TCERG1L: variants seen among roughly 807,000 people sequenced by gnomAD.
The protein encoded by TCERG1L is transcription elongation regulator 1 like.
Under a neutral mutation model 56.3 loss-of-function variants are expected in TCERG1L, and 37 were observed. The observed-to-expected ratio is 0.66, with a 90% CI of 0.51 to 0.87. The LOEUF is 0.87. Among genes scored for constraint, TCERG1L ranks in the 40% least tolerant of loss-of-function variants. The pLI is 0.00. For synonymous variants in TCERG1L, 324 were observed against 326.3 expected (o/e 0.99, Z 0.08); for missense variants, 799 against 774.2 (o/e 1.03, Z -0.38).
At chr10:131,248,151 G>A (rs560731263) in intron 4 of TCERG1L, among the ~76,000 whole-genome samples, 6 of 148,518 alleles carry the variant, frequency 4.0e-5, no homozygotes, top group South Asian at 4.3e-4. Flanking sequence ...ACACACATAC[G>A]CTGGTAAACA....
At chr10:131,244,404 GCAGCCCT>G (rs1564824190) in intron 4 of TCERG1L, among the ~76,000 whole-genome samples, 10 of 152,194 alleles carry the variant, frequency 6.6e-5, no homozygotes, top group African/African-American at 2.4e-4. Flanking sequence ...TTCAGAACAG[GCAGCCCT>G]GGGAGAGTGG....
chr10:131,094,265 C>CG (rs1331602020), intron 11 of TCERG1L, among the ~76,000 whole-genome samples: 9 of 152,220 alleles, frequency 5.9e-5, no homozygotes, highest in African/African-American at 2.2e-4. Context: ...CAGCGACAGT[C>CG]GGGCAGGGCC....
intron 7 of TCERG1L, among the ~76,000 whole-genome samples, chr10:131,142,315 C>T (rs773057313): frequency 4.6e-5 from 7 of 152,188 alleles, no homozygotes; most frequent in South Asian, 2.1e-4. Flanking sequence ...GTGTTTTCAG[C>T]GGCCCTGGGT....
intron 4 of TCERG1L, among the ~76,000 whole-genome samples, chr10:131,178,195 C>T (rs550608630): frequency 1.8e-4 from 27 of 152,202 alleles, no homozygotes; most frequent in Middle Eastern, 3.4e-3. Flanking sequence ...CCGGGGAGGT[C>T]GCCAGCTTTG....
chr10:131,136,451 C>T (rs1845676140), intron 7 of TCERG1L, among the ~76,000 whole-genome samples: 1 of 152,102 alleles, frequency 6.6e-6, no homozygotes, highest in South Asian at 2.1e-4. Flanking sequence ...GGGCCACCTC[C>T]GTGGCTGCTG....
chr10:131,211,947 G>A (rs1845624917), intron 4 of TCERG1L, among the ~76,000 whole-genome samples: 1 of 152,202 alleles, frequency 6.6e-6, no homozygotes, highest in Admixed American at 6.5e-5. Context: ...CTGTTACTGA[G>A]TAGACACATG....
chr10:131,142,540 A>C (rs1845749507), intron 7 of TCERG1L, among the ~76,000 whole-genome samples: 1 of 152,232 alleles, frequency 6.6e-6, no homozygotes. Context: ...AATTAAGCCC[A>C]GTGAGGTTCA....
chr10:131,300,600 C>T (rs1005492044), intron 3 of TCERG1L, among the ~76,000 whole-genome samples: 2 of 152,136 alleles, frequency 1.3e-5, no homozygotes, highest in Non-Finnish European at 2.9e-5. Flanking sequence ...AATTCTCCTT[C>T]TGTTCATTCA....
At chr10:131,239,351 G>A (rs1219640425) in intron 4 of TCERG1L, among the ~76,000 whole-genome samples, 3 of 152,172 alleles carry the variant, frequency 2.0e-5, no homozygotes, top group Non-Finnish European at 4.4e-5. Flanking sequence ...GCGATGCCAC[G>A]AATAAGAATG....
At chr10:131,175,611 G>C (rs529614384) in intron 4 of TCERG1L, among the ~76,000 whole-genome samples, 2 of 152,202 alleles carry the variant, frequency 1.3e-5, no homozygotes, top group African/African-American at 4.8e-5. Flanking sequence ...TGAGTCCCAC[G>C]CAATTCACAA....
chr10:131,111,822 A>G (rs1845416128), intron 9 of TCERG1L, among the ~76,000 whole-genome samples: 1 of 143,434 alleles, frequency 7.0e-6, no homozygotes, highest in Non-Finnish European at 1.6e-5. Context: ...GAAGACAGAT[A>G]GACAAGCCAG....
chr10:131,190,076 C>A (rs763057196), intron 4 of TCERG1L, among the ~76,000 whole-genome samples: 5 of 152,010 alleles, frequency 3.3e-5, no homozygotes, highest in Admixed American at 2.0e-4. Context: ...GTTTAATTAA[C>A]AATGAAGCCG....
intron 4 of TCERG1L, among the ~76,000 whole-genome samples, chr10:131,239,035 G>C (rs901393036): frequency 1.3e-5 from 2 of 152,170 alleles, no homozygotes; most frequent in Admixed American, 6.5e-5. Context: ...TAGCACGTGT[G>C]CATTTTCATC....
At chr10:131,174,361 T>C (rs1202420575) in intron 4 of TCERG1L, among the ~76,000 whole-genome samples, 1 of 152,134 alleles carries the variant, frequency 6.6e-6, no homozygotes, top group Non-Finnish European at 1.5e-5. Context: ...GGAGCCTCCT[T>C]GAAGCTGGCG....
In TCERG1L at chr10:131,311,378, C is replaced by T. The variant is rs530176388; in HGVS notation, c.258G>A (p.Pro86=). 28 of 1,192,918 alleles carry T rather than the reference C, an allele frequency of 2.3e-5. No homozygotes were observed. In the African/African-American group the frequency reaches 4.0e-4, roughly 17 times the overall value. The allele number at this position is 1,192,918 out of a possible 1,614,324, so 73.9% of individuals were successfully genotyped here. ...GLPGWPAPSE[P]VLPLLPLPSA... ...AGGGCAGCGGCAGCAGCGGGAGCACCGGCTCGCTCGGGGCCGGCCAGCCGG... is the reference window on the plus strand; with the variant it reads ...AGGGCAGCGGCAGCAGCGGGAGCACTGGCTCGCTCGGGGCCGGCCAGCCGG... Residue 86 remains proline, a synonymous_variant, in exon 1 of 12, where the codon CCG becomes CCA. Transcript: ENST00000368642. The surrounding 1 kb of genome is among the most constrained non-coding windows in gnomAD (Gnocchi z 4.0).
intron 3 of TCERG1L, among the ~76,000 whole-genome samples, chr10:131,306,326 T>G (rs1345925581): frequency 6.6e-6 from 1 of 152,126 alleles, no homozygotes; most frequent in Admixed American, 6.5e-5. Context: ...ACAAATACAT[T>G]TGATTATTAT....
chr10:131,139,676 ATGTGTGTGTGTGTCTGTGTGTG>A (rs1249283071), intron 7 of TCERG1L, among the ~76,000 whole-genome samples: 9 of 133,964 alleles, frequency 6.7e-5, no homozygotes, highest in East Asian at 4.9e-4. Context: ...GGCTATGCAT[ATGTGTGTGTGTGTCTGTGTGTG>A]TGTGTGTGTG....
chr10:131,311,528 C>A lies in TCERG1L; in HGVS notation c.108G>T (p.Pro36=). The A allele has an allele frequency of 8.5e-7, 1 of 1,171,794 alleles. No individual in the cohort carries two copies. The allele number at this position is 1,171,794 out of a possible 1,614,324, so 72.6% of individuals were successfully genotyped here. A position where few individuals can be genotyped will look rare whatever the true frequency, so the allele number is the denominator to read the frequency against. The change falls in exon 1 of 12, where the codon CCG becomes CCT. Residue 36 remains proline, a synonymous_variant. Coordinates refer to ENST00000368642, the MANE Select transcript of TCERG1L (RefSeq NM_174937.4). This position sits in a 1 kb window ranked among gnomAD's most constrained non-coding sequence, Gnocchi z 4.0. ...LWPMDAEPPP[P]PPWVWMVPGS... ...CCGGCACCATCCAGACCCAGGGCGG[C>A]GGCGGCGGCGGCTCTGCGTCCATCG...
intron 4 of TCERG1L, among the ~76,000 whole-genome samples, chr10:131,182,249 C>T (rs548831431): frequency 9.2e-5 from 14 of 152,200 alleles, no homozygotes; most frequent in Admixed American, 7.8e-4. Context: ...CTCTTGCCTC[C>T]GTAAAAATGC....
Sources: allele counts gnomAD v4.1 joint callset (sites outside exome capture counted in the v4.1 genomes callset), GRCh38; gene constraint gnomAD v4.1.1; non-coding constraint Gnocchi (gnomAD v3.1); transcripts MANE v1.5; gene names NCBI Gene and HGNC (gene_info 2026-07-23, HGNC 2026-07-21).